MARK1: variants seen among roughly 807,000 people sequenced by gnomAD.
MARK1 encodes the protein serine/threonine-protein kinase MARK1.
MARK1 carries 40 observed loss-of-function variants against 96.3 expected under a neutral mutation model. The observed-to-expected ratio is 0.42, with a 90% CI of 0.32 to 0.54. The LOEUF (loss-of-function observed/expected upper bound fraction) is 0.54, where lower values mean the gene tolerates loss of function less well. Among genes scored for constraint, MARK1 ranks in the 20% least tolerant of loss-of-function variants. The pLI is 0.16. For synonymous variants in MARK1, 317 were observed against 341.2 expected (o/e 0.93, Z 0.78); for missense variants, 719 against 984.6 (o/e 0.73, Z 3.61).
intron 1 of MARK1, among the ~76,000 whole-genome samples, chr1:220,548,960 G>T (rs1454403735): frequency 6.6e-6 from 1 of 152,152 alleles, no homozygotes; most frequent in East Asian, 1.9e-4. Context: ...GCAAGTGGTA[G>T]TGAAAGCCCT....
chr1:220,635,954 T>A lies in MARK1; in HGVS notation c.1398T>A (p.Val466=). ...CTCGAAAACTTGGCAGCACAACAGT[T>A]GGATCAAAAAGCGAGATGACTGCAA... ...DVARKLGSTT[V]GSKSEMTASP... Residue 466 remains valine (V), a synonymous_variant, in exon 13 of 18, where the codon GTT becomes GTA. Transcript: ENST00000366917. The A allele has an allele frequency of 6.2e-7, 1 of 1,613,970 alleles. No homozygotes were observed. The highest frequency in any genetic ancestry group is 8.5e-7 in the Non-Finnish European group (1 of 1,179,980).
chr1:220,559,539 A>C (rs1418460070), intron 1 of MARK1, among the ~76,000 whole-genome samples: 6 of 152,246 alleles, frequency 3.9e-5, no homozygotes, highest in Non-Finnish European at 1.5e-5. Context: ...TCTCTTTACC[A>C]TGAGATACAG....
intron 1 of MARK1, among the ~76,000 whole-genome samples, chr1:220,530,339 A>G (rs1033258466): frequency 1.3e-5 from 2 of 152,172 alleles, no homozygotes; most frequent in Non-Finnish European, 2.9e-5. Flanking sequence ...GAGATTGAAC[A>G]AGTTCAGAGA....
chr1:220,651,392 A>G (rs142442933), intron 14 of MARK1, among the ~76,000 whole-genome samples: 5 of 152,298 alleles, frequency 3.3e-5, no homozygotes, highest in Non-Finnish European at 5.9e-5. Flanking sequence ...AGTAAGTGCT[A>G]TTGTAAGGCA....
intron 1 of MARK1, among the ~76,000 whole-genome samples, chr1:220,542,288 A>C (rs915024453): frequency 1.3e-5 from 2 of 152,154 alleles, no homozygotes; most frequent in Non-Finnish European, 2.9e-5. Flanking sequence ...AATATATAGT[A>C]ATTTGTTTCT....
rs1007509790 is a variant in MARK1 at position 220,547,755 on chromosome 1, A to G, written c.51+18882A>G. On this transcript the variant is annotated intron_variant, in intron 1 of 17. Coordinates refer to ENST00000366917, the MANE Select transcript of MARK1 (RefSeq NM_018650.5). ...ACATTTTTTTGTATTTTTAGTAGAG[A>G]CAGTGTTTCACCGTGTTGGCCAGGA... 7.2e-5 allele frequency among the ~76,000 whole-genome samples: 11 copies of G among 152,072 alleles called. 1 individual carries two copies. The highest frequency in any genetic ancestry group is 1.5e-5 in the Non-Finnish European group (1 of 68,020).
chr1:220,565,933 G>A lies in MARK1; in HGVS notation c.52-13421G>A, dbSNP rs549638035. Among the ~76,000 whole-genome samples, 204 of 152,210 alleles carry A rather than the reference G, an allele frequency of 1.3e-3. 1 individual carries two copies. The highest frequency in any genetic ancestry group is 4.7e-3 in the African/African-American group (196 of 41,538). On this transcript the variant is annotated intron_variant, in intron 1 of 17. Coordinates refer to ENST00000366917, the MANE Select transcript of MARK1 (RefSeq NM_018650.5). ...GTATCTTCAGAGACTGTTAATGTTG[G>A]GATAGGAGGAAGGTTTGGGGAGGTA...
chr1:220,630,075 AG>A (rs1445018990), intron 9 of MARK1, among the ~76,000 whole-genome samples: 1 of 152,110 alleles, frequency 6.6e-6, no homozygotes, highest in Non-Finnish European at 1.5e-5. Flanking sequence ...AGCAGTTCAC[AG>A]GGGTTTCAGT....
intron 1 of MARK1, among the ~76,000 whole-genome samples, chr1:220,569,393 T>C (rs770277394): frequency 3.3e-5 from 5 of 152,136 alleles, no homozygotes; most frequent in Non-Finnish European, 7.4e-5. Flanking sequence ...GTCACATTTA[T>C]TAAACTTTTT....
At chr1:220,635,593 G>A in intron 12 of MARK1, 64 bp downstream of exon 12, 2 of 1,535,542 alleles carry the variant, frequency 1.3e-6, no homozygotes, top group Non-Finnish European at 1.8e-6. Flanking sequence ...TGTTTTTAAA[G>A]CATTGTACAT....
At chr1:220,655,197 C>T (rs1328725091) in intron 16 of MARK1, among the ~76,000 whole-genome samples, 6 of 152,182 alleles carry the variant, frequency 3.9e-5, no homozygotes, top group Admixed American at 3.9e-4. Context: ...TTTCCCCCAA[C>T]CTCTAAATAT....
intron 1 of MARK1, among the ~76,000 whole-genome samples, chr1:220,556,107 C>T (rs536147942): frequency 1.3e-5 from 2 of 152,286 alleles, no homozygotes; most frequent in South Asian, 4.1e-4. Flanking sequence ...AGCTCTAACA[C>T]TGTCTTAGGG....
chr1:220,635,689 CTGATTTT>C (rs1209142209), intron 12 of MARK1, 137 bp from the exon 13 acceptor site: 2 of 1,136,678 alleles, frequency 1.8e-6, no homozygotes, highest in East Asian at 5.2e-5. Context: ...AGGGACTGAC[CTGATTTT>C]TGAAATCAAA....
chr1:220,651,064 CCAT>C (rs556872661), intron 14 of MARK1, among the ~76,000 whole-genome samples: 14 of 152,136 alleles, frequency 9.2e-5, no homozygotes, highest in Non-Finnish European at 1.9e-4. Flanking sequence ...CTTTCACTTC[CCAT>C]CAAGTCATTG....
intron 1 of MARK1, among the ~76,000 whole-genome samples, chr1:220,570,228 A>C (rs1663348971): frequency 2.0e-5 from 3 of 152,086 alleles, no homozygotes. Flanking sequence ...GTTTCCTGGG[A>C]AGTGATATCT....
In MARK1 at chr1:220,592,219, C is replaced by T. The variant is rs142106764; in HGVS notation, c.310-6112C>T. Among the ~76,000 whole-genome samples, 8 of 136,524 alleles carry T rather than the reference C, an allele frequency of 5.9e-5. No homozygotes were observed. In the East Asian group the frequency reaches 1.1e-3, roughly 18 times the overall value. The allele number at this position is 136,524 out of a possible 152,430, so 89.6% of individuals were successfully genotyped here. The stretch of plus-strand genomic sequence containing the variant: ...TGGAATTTCACTGTCATGATTATAT[C>T]ATATTATATTATATTATATTATATT... On this transcript the variant is annotated intron_variant, in intron 3 of 17. Transcript: ENST00000366917.
intron 5 of MARK1, among the ~76,000 whole-genome samples, chr1:220,603,746 C>T (rs1440309073): frequency 6.6e-6 from 1 of 152,062 alleles, no homozygotes; most frequent in East Asian, 1.9e-4. Context: ...CAGGCTGTGG[C>T]TTCCCTTTAC....
At chr1:220,626,810 A>T (rs1667367719) in intron 9 of MARK1, 3 of 344,446 alleles carry the variant, frequency 8.7e-6, no homozygotes, top group Non-Finnish European at 5.6e-6. Context: ...ACTGAGTGAG[A>T]CTCCATCTCA....
intron 4 of MARK1, among the ~76,000 whole-genome samples, chr1:220,599,265 CT>C (rs557503825): frequency 2.6e-5 from 4 of 151,560 alleles, no homozygotes; most frequent in East Asian, 3.9e-4. Context: ...TTTTAAAACA[CT>C]TTTTTTTGCA....
Sources: allele counts gnomAD v4.1 joint callset (sites outside exome capture counted in the v4.1 genomes callset), GRCh38; gene constraint gnomAD v4.1.1; transcripts MANE v1.5; gene names NCBI Gene and HGNC (gene_info 2026-07-23, HGNC 2026-07-21).